CADPS2: variants seen among roughly 807,000 people sequenced by gnomAD.
CADPS2 encodes the protein calcium dependent secretion activator 2.
Under a neutral mutation model 172.5 loss-of-function variants are expected in CADPS2, and 93 were observed. That is an observed-to-expected ratio of 0.54 (90% CI 0.46 to 0.64). The LOEUF is 0.64. CADPS2 is among the 30% of genes least tolerant of loss of function. The pLI is 0.00. For synonymous variants in CADPS2, 546 were observed against 555.2 expected (o/e 0.98, Z 0.23); for missense variants, 1,420 against 1,565.9 (o/e 0.91, Z 1.57).
chr7:122,480,894 T>C (rs751218225), intron 11 of CADPS2, 34 bp from the exon 12 acceptor site: 2 of 1,501,032 alleles, frequency 1.3e-6, no homozygotes, highest in Non-Finnish European at 1.8e-6. Context: ...AAACAAAGCA[T>C]ATTTAAATGG....
intron 2 of CADPS2, among the ~76,000 whole-genome samples, chr7:122,682,121 T>C (rs542287621): frequency 1.3e-5 from 2 of 152,304 alleles, no homozygotes; most frequent in African/African-American, 4.8e-5. Context: ...ACCTTGTACT[T>C]ATGAGACTGA....
intron 20 of CADPS2, among the ~76,000 whole-genome samples, chr7:122,397,344 G>A (rs1348476905): frequency 6.7e-6 from 1 of 150,294 alleles, no homozygotes; most frequent in African/African-American, 2.5e-5. Flanking sequence ...ACCCACACTT[G>A]AAAATTTTAG....
rs536147964 is a variant in CADPS2, at chr7:122,681,264, A to C, written c.454-17695T>G. 2.1e-5 allele frequency: 17 copies of C among 807,326 alleles called. No homozygotes were observed. The East Asian group carries it at 4.2e-4, about 20-fold the overall frequency. 50.0% of individuals were successfully genotyped at this position (807,326 alleles called of 1,614,324 possible). A position where few individuals can be genotyped will look rare whatever the true frequency, so the allele number is the denominator to read the frequency against. On this transcript the variant is annotated intron_variant, in intron 2 of 29. Coordinates refer to ENST00000449022, the MANE Select transcript of CADPS2 (RefSeq NM_017954.11). ...TGCACAATGTGCACATGTACCCTAAAACTTAAAGTATAATAATAAAAGAAA... is the reference window on the plus strand; with the variant it reads ...TGCACAATGTGCACATGTACCCTAACACTTAAAGTATAATAATAAAAGAAA...
chr7:122,819,828 C>T (rs566298688), intron 1 of CADPS2, among the ~76,000 whole-genome samples: 1 of 152,172 alleles, frequency 6.6e-6, no homozygotes, highest in East Asian at 1.9e-4. Flanking sequence ...GTATAAGATA[C>T]CTCTACTCCC....
intron 11 of CADPS2, among the ~76,000 whole-genome samples, chr7:122,488,374 G>A (rs1274278469): frequency 6.6e-6 from 1 of 152,184 alleles, no homozygotes; most frequent in Non-Finnish European, 1.5e-5. Flanking sequence ...GATAAGAGCT[G>A]TGCTGCAAGA....
chr7:122,502,060 T>C (rs1380525031), intron 9 of CADPS2, among the ~76,000 whole-genome samples: 5 of 152,230 alleles, frequency 3.3e-5, no homozygotes, highest in Admixed American at 3.3e-4. Flanking sequence ...GGCAAAGTTA[T>C]TATTTCAGAT....
intron 17 of CADPS2, among the ~76,000 whole-genome samples, chr7:122,433,262 T>G (rs2050196528): frequency 6.6e-6 from 1 of 152,136 alleles, no homozygotes; most frequent in African/African-American, 2.4e-5. Flanking sequence ...ATCACAGGCA[T>G]GAGCCACCAT....
At chr7:122,728,005 G>A (rs972088740) in intron 2 of CADPS2, among the ~76,000 whole-genome samples, 1 of 151,824 alleles carries the variant, frequency 6.6e-6, no homozygotes, top group Non-Finnish European at 1.5e-5. Flanking sequence ...GCCACAGCCT[G>A]CCAATCTTGG....
intron 27 of CADPS2, 21 bp from the exon 28 acceptor site, chr7:122,345,702 G>C (rs1320698928): frequency 1.4e-6 from 2 of 1,446,686 alleles, no homozygotes; most frequent in Admixed American, 1.8e-5. Context: ...GGAAAAGCAG[G>C]GGGAACAAAA....
intron 1 of CADPS2, among the ~76,000 whole-genome samples, chr7:122,799,669 T>C (rs1019421464): frequency 8.7e-5 from 13 of 149,710 alleles, no homozygotes; most frequent in Admixed American, 1.3e-4. Context: ...ATAATTTAAA[T>C]GGAATCAAAT....
At chr7:122,349,812 A>G (rs1370747872) in intron 27 of CADPS2, among the ~76,000 whole-genome samples, 3 of 152,182 alleles carry the variant, frequency 2.0e-5, no homozygotes, top group Non-Finnish European at 4.4e-5. Flanking sequence ...CTGCTGCTAC[A>G]CCTAATCCCA....
At chr7:122,519,589 C>A (rs2060625103) in intron 8 of CADPS2, among the ~76,000 whole-genome samples, 1 of 151,814 alleles carries the variant, frequency 6.6e-6, no homozygotes, top group African/African-American at 2.4e-5. Flanking sequence ...ACGGAGAGCA[C>A]TATTTGCTCC....
rs528164884 is a variant in CADPS2, at chr7:122,440,029, T to A, written c.2352+1483A>T. The A allele has an allele frequency of 2.0e-5, 3 of 152,276 alleles. No homozygotes were observed. In the South Asian group the frequency reaches 6.2e-4, roughly 32 times the overall value. The allele number at this position is 152,276 out of a possible 1,614,324, so 9.4% of individuals were successfully genotyped here. On this transcript the variant is annotated intron_variant, in intron 16 of 29. Transcript: ENST00000449022. Reference sequence around the variant, plus strand: ...ATGCCAACCTCGATTTCCTGCTGCATCCCATGTTCTTCCGAGGTATCATAG... The same window carrying A: ...ATGCCAACCTCGATTTCCTGCTGCAACCCATGTTCTTCCGAGGTATCATAG...
intron 3 of CADPS2, among the ~76,000 whole-genome samples, chr7:122,644,149 A>G (rs893679215): frequency 2.0e-5 from 3 of 152,212 alleles, no homozygotes; most frequent in Non-Finnish European, 4.4e-5. Context: ...AAGACTATGA[A>G]TAAGAGAGAA....
At chr7:122,873,529 C>T (rs1056090554) in intron 1 of CADPS2, among the ~76,000 whole-genome samples, 9 of 152,102 alleles carry the variant, frequency 5.9e-5, no homozygotes, top group Admixed American at 3.3e-4. Context: ...CATAGTATTC[C>T]GTGGTGTATA....
At chr7:122,450,878 C>T (rs184157876) in intron 15 of CADPS2, among the ~76,000 whole-genome samples, 40 of 152,110 alleles carry the variant, frequency 2.6e-4, no homozygotes, top group Admixed American at 2.2e-3. Flanking sequence ...GGTGCTGTGA[C>T]CTGTGTTCTC....
intron 2 of CADPS2, among the ~76,000 whole-genome samples, chr7:122,732,564 GAATAT>G (rs978116867): frequency 2.4e-4 from 35 of 148,310 alleles, no homozygotes; most frequent in African/African-American, 6.4e-4. Flanking sequence ...TATTGTTGAA[GAATAT>G]AATATAATAT....
chr7:122,395,724 T>C (rs780022645), intron 20 of CADPS2, among the ~76,000 whole-genome samples: 5 of 152,196 alleles, frequency 3.3e-5, no homozygotes, highest in Non-Finnish European at 5.9e-5. Flanking sequence ...CCTAGCATAT[T>C]TGGAGTACCA....
intron 14 of CADPS2, among the ~76,000 whole-genome samples, chr7:122,470,113 C>CA (rs1438321721): frequency 6.6e-6 from 1 of 152,036 alleles, no homozygotes; most frequent in Non-Finnish European, 1.5e-5. Flanking sequence ...ATTTAATAAT[C>CA]AAAAATCACT....
Sources: allele counts gnomAD v4.1 joint callset (sites outside exome capture counted in the v4.1 genomes callset), GRCh38; gene constraint gnomAD v4.1.1; transcripts MANE v1.5; gene names NCBI Gene and HGNC (gene_info 2026-07-23, HGNC 2026-07-21).